Variants in TSBP1 observed in about 807,000 individuals in gnomAD.
The protein encoded by TSBP1 is testis-expressed basic protein 1.
A neutral mutation model predicts 68.8 loss-of-function variants in TSBP1; 56 were observed. The observed-to-expected ratio is 0.81, with a 90% confidence interval of 0.66 to 1.02. TSBP1 has a LOEUF of 1.02. Among genes scored for constraint, TSBP1 ranks in the 50% least tolerant of loss-of-function variants. TSBP1 has a pLI of 0.00. For missense variants in TSBP1, 502 were observed against 641.2 expected (o/e 0.78, Z 2.34); for synonymous variants, 171 against 208.7 (o/e 0.82, Z 1.56).
chr6:32,371,832 C>T, exon 1 of TSBP1: 2 of 1,047,052 alleles, frequency 1.9e-6, no homozygotes, highest in Non-Finnish European at 3.0e-6. Flanking sequence ...TCAGGGAGGC[C>T]CTTGTAGGCA....
chr6:32,293,623 T>A, exon 23 of TSBP1: 1 of 1,613,082 alleles, frequency 6.2e-7, no homozygotes. Flanking sequence ...TTACTTGGGC[T>A]TCTTGTCCTT....
At chr6:32,303,466 C>T (rs929226305) in intron 19 of TSBP1, among the ~76,000 whole-genome samples, 1 of 151,682 alleles carries the variant, frequency 6.6e-6, no homozygotes, top group Non-Finnish European at 1.5e-5. Flanking sequence ...GTCCACTTTA[C>T]GTGATATTAA....
Position 32,316,227 on chromosome 6 carries a change from C to G in TSBP1, c.560-435G>C, listed in dbSNP as rs1301829276. Among the ~76,000 whole-genome samples, 1 of 152,092 alleles carries G rather than the reference C, an allele frequency of 6.6e-6. No individual in the cohort carries two copies. ...TTGTTCAGTTTATTACTGATGAATC[C>G]TAGCTTAGTCCCTCTTTTAATTAGT... On this transcript the variant is annotated intron_variant, in intron 18 of 22. Coordinates refer to ENST00000612031, the Ensembl canonical transcript of TSBP1. The surrounding 1 kb of genome is among the most constrained non-coding windows in gnomAD (Gnocchi z 4.5).
At chr6:32,297,023 T>G (rs1315891424) in intron 22 of TSBP1, among the ~76,000 whole-genome samples, 4 of 152,198 alleles carry the variant, frequency 2.6e-5, no homozygotes, top group African/African-American at 9.7e-5. Context: ...TAACATAGAT[T>G]AGATTTACAG....
At chr6:32,339,313 T>G (rs1770051960) in intron 10 of TSBP1, 2 of 536,438 alleles carry the variant, frequency 3.7e-6, no homozygotes, top group African/African-American at 3.8e-5. Flanking sequence ...ATTTCCACTT[T>G]GTTAAATGAA....
intron 9 of TSBP1, among the ~76,000 whole-genome samples, chr6:32,341,630 C>A (rs1770365347): frequency 6.6e-6 from 1 of 152,104 alleles, no homozygotes; most frequent in Non-Finnish European, 1.5e-5. Flanking sequence ...AACAACAGTG[C>A]ACTTTGAAAT....
chr6:32,298,943 A>G (rs1390085336), intron 22 of TSBP1, among the ~76,000 whole-genome samples: 2 of 152,256 alleles, frequency 1.3e-5, no homozygotes, highest in African/African-American at 4.8e-5. Context: ...ACATTGATTT[A>G]AATGCGGTCT....
intron 6 of TSBP1, among the ~76,000 whole-genome samples, chr6:32,360,826 G>A (rs1001511500): frequency 1.6e-4 from 25 of 151,642 alleles, no homozygotes; most frequent in African/African-American, 4.4e-4. Flanking sequence ...CTGAAAAAAT[G>A]TCTATTTAGG....
chr6:32,331,902 TA>T, intron 15 of TSBP1, 131 bp downstream of exon 16: 2 of 728,174 alleles, frequency 2.7e-6, no homozygotes, highest in East Asian at 5.2e-5. Context: ...ACAGTTACGA[TA>T]TGGGGAAATG....
At position 32,338,854 on chromosome 6, in the gene TSBP1, CA is replaced by C; in HGVS notation, c.409+124del. On this transcript the variant is annotated intron_variant, in intron 11 of 22. Transcript: ENST00000612031. The surrounding 1 kb of genome is among the most constrained non-coding windows in gnomAD (Gnocchi z 5.5). ...TATTAAGATAAGAATAGGGAATAAACAAGGGGAAAGGAATGGACAATTTGTG... is the reference window on the plus strand; with the variant it reads ...TATTAAGATAAGAATAGGGAATAAACAGGGGAAAGGAATGGACAATTTGTG... 1 of 810,892 alleles carries C rather than the reference CA, an allele frequency of 1.2e-6. No individual in the cohort carries two copies. 50.2% of individuals were successfully genotyped at this position (810,892 alleles called of 1,614,324 possible).
chr6:32,332,373 C>G (rs1209714721), intron 14 of TSBP1, among the ~76,000 whole-genome samples: 1 of 152,126 alleles, frequency 6.6e-6, no homozygotes, highest in African/African-American at 2.4e-5. Flanking sequence ...TGAAACACTT[C>G]CTGTCAGTAA....
At chr6:32,318,409 C>T (rs1312373883) in intron 18 of TSBP1, among the ~76,000 whole-genome samples, 2 of 151,982 alleles carry the variant, frequency 1.3e-5, no homozygotes, top group East Asian at 3.8e-4. Flanking sequence ...CACAAGTTTA[C>T]CTATATAACA....
rs1268120752 is a variant in TSBP1 at position 32,365,631 on chromosome 6, G to C, written c.217+536C>G. On this transcript the variant is annotated intron_variant, in intron 6 of 22. Coordinates refer to ENST00000612031, the Ensembl canonical transcript of TSBP1. This position sits in a 1 kb window ranked among gnomAD's most constrained non-coding sequence, Gnocchi z 4.3. ...CATCCTGAATGGCTGGGGGATGTGG[G>C]CACTCATTAAGTTCTGCACATTTTT... 8.8e-6 allele frequency: 4 copies of C among 456,204 alleles called. No homozygotes were observed. Among genetic ancestry groups the C allele is most frequent in the East Asian group, 6.9e-5 (1 of 14,406 alleles). 28.3% of individuals were successfully genotyped at this position (456,204 alleles called of 1,614,324 possible).
Position 32,312,658 on chromosome 6 carries a change from C to T in TSBP1, c.580+3114G>A, listed in dbSNP as rs117187259. ...CATCCTATAAATCTGCTCTTCTCCA[C>T]TACCTAAATCAATAAATAGTTTCAT... On this transcript the variant is annotated intron_variant, in intron 19 of 22. Coordinates refer to ENST00000612031, the Ensembl canonical transcript of TSBP1. Among the ~76,000 whole-genome samples the T allele has an allele frequency of 3.3e-3, 497 of 152,320 alleles. 16 individuals carry two copies. The East Asian group carries it at 0.069, about 21-fold the overall frequency.
Position 32,365,642 on chromosome 6 carries a change from G to A in TSBP1, c.217+525C>T, listed in dbSNP as rs3129925. On this transcript the variant is annotated intron_variant, in intron 6 of 22. Transcript: ENST00000612031. The surrounding 1 kb of genome is among the most constrained non-coding windows in gnomAD (Gnocchi z 4.3). ...GCTGGGGGATGTGGGCACTCATTAA[G>A]TTCTGCACATTTTTTCTGTGGGAGA... 0.14 allele frequency: 64,925 copies of A among 455,758 alleles called. 5,297 individuals are homozygous for A. The highest frequency in any genetic ancestry group is 0.17 in the Non-Finnish European group (38,624 of 226,374). 28.2% of individuals were successfully genotyped at this position (455,758 alleles called of 1,614,324 possible). A position where few individuals can be genotyped will look rare whatever the true frequency, so the allele number is the denominator to read the frequency against.
At chr6:32,323,881 T>C in intron 16 of TSBP1, 1 of 497,244 alleles carries the variant, frequency 2.0e-6, no homozygotes, top group South Asian at 2.9e-5. Flanking sequence ...AAAGGAGAGA[T>C]TCCAGAATCC....
chr6:32,324,410 C>A, intron 16 of TSBP1: 1 of 674,238 alleles, frequency 1.5e-6, no homozygotes. Flanking sequence ...TTTCTCTGCT[C>A]TGACTTATCT....
At position 32,321,994 on chromosome 6, in the gene TSBP1, G is replaced by T. The variant is rs1164791536; in HGVS notation, c.559+1123C>A. Among the ~76,000 whole-genome samples the T allele has an allele frequency of 6.6e-6, 1 of 152,154 alleles. No individual in the cohort carries two copies. The highest frequency in any genetic ancestry group is 1.5e-5 in the Non-Finnish European group (1 of 68,026). On this transcript the variant is annotated intron_variant, in intron 18 of 22. Transcript: ENST00000612031. This position sits in a 1 kb window ranked among gnomAD's most constrained non-coding sequence, Gnocchi z 4.3. ...TCCCAGTTTTACACAGTTCCCAGGAGATTCACCTCATCTCACTCATTTACT... is the reference window on the plus strand; with the variant it reads ...TCCCAGTTTTACACAGTTCCCAGGATATTCACCTCATCTCACTCATTTACT...
intron 19 of TSBP1, among the ~76,000 whole-genome samples, chr6:32,308,616 A>AAT (rs9281733): frequency 4.7e-4 from 44 of 92,664 alleles, no homozygotes; most frequent in Middle Eastern, 4.3e-3. Flanking sequence ...AAAAAAAAAA[A>AAT]TTTTGCTTTT....
Sources: gnomAD v4.1 joint callset for allele counts (sites outside exome capture counted in the v4.1 genomes callset) on GRCh38, gnomAD v4.1.1 for gene constraint, Gnocchi (gnomAD v3.1) non-coding constraint, MANE v1.5 for transcripts, NCBI Gene and HGNC (gene_info 2026-07-23, HGNC 2026-07-21) for gene names.